The following RAD51B variants were observed in gnomAD, a reference collection of about 807,000 sequenced individuals.
The protein encoded by RAD51B is DNA repair protein RAD51 homolog 2.
RAD51B carries 38 observed loss-of-function variants against 42.2 expected under a neutral mutation model. The ratio of observed to expected loss-of-function variants is 0.90; its 90% confidence interval spans 0.70 to 1.18. RAD51B has a LOEUF of 1.18. RAD51B is among the 50% of genes most tolerant of loss of function. The pLI, the probability that RAD51B is intolerant of heterozygous loss-of-function variation, is 0.00. For missense variants in RAD51B, 373 were observed against 400.7 expected, an observed-to-expected ratio of 0.93 and a Z score of 0.59; for synonymous variants, 154 against 145.2, an observed-to-expected ratio of 1.06 and a Z score of -0.43.
At chr14:68,543,456 A>G (rs1888069293) in intron 10 of RAD51B, among the ~76,000 whole-genome samples, 1 of 152,242 alleles carries the variant, frequency 6.6e-6, no homozygotes, top group South Asian at 2.1e-4. Context: ...AAGAATTATC[A>G]TTATGTTGCT....
At chr14:68,380,261 C>T (rs771489818) in intron 8 of RAD51B, among the ~76,000 whole-genome samples, 3 of 152,248 alleles carry the variant, frequency 2.0e-5, no homozygotes, top group Middle Eastern at 3.4e-3. Context: ...TGACAGAGGC[C>T]GTTGGTCATC....
chr14:68,048,784 G>C (rs1043844227), intron 7 of RAD51B, among the ~76,000 whole-genome samples: 5 of 152,190 alleles, frequency 3.3e-5, no homozygotes, highest in African/African-American at 1.2e-4. Flanking sequence ...TTCAACCATT[G>C]TGGAAGTTGG....
intron 8 of RAD51B, among the ~76,000 whole-genome samples, chr14:68,386,363 T>G (rs1363231847): frequency 3.3e-5 from 5 of 152,226 alleles, no homozygotes; most frequent in African/African-American, 1.2e-4. Flanking sequence ...AAATGTTGAA[T>G]GATCTATGCA....
intron 4 of RAD51B, among the ~76,000 whole-genome samples, chr14:67,854,548 C>T (rs1167250360): frequency 1.3e-5 from 2 of 151,454 alleles, no homozygotes; most frequent in Non-Finnish European, 2.9e-5. Flanking sequence ...GCATGAGAAT[C>T]ATTTGAATCC....
In RAD51B at chr14:68,078,390, GT is replaced by G. The variant is rs1595366697; in HGVS notation, c.756+191189del. Among the ~76,000 whole-genome samples the G allele has an allele frequency of 2.0e-5, 3 of 152,100 alleles. No individual in the cohort carries two copies. The East Asian group carries it at 5.8e-4, about 29-fold the overall frequency. On this transcript the variant is annotated intron_variant, in intron 7 of 10. Transcript: ENST00000471583. The stretch of plus-strand genomic sequence containing the variant: ...CAGTGTTTGAAAGGTATCATTTCTG[GT>G]TTACATTCAGCTCTTGTCCTTTCTA...
intron 7 of RAD51B, among the ~76,000 whole-genome samples, chr14:68,231,182 A>T (rs760613513): frequency 5.3e-5 from 8 of 152,216 alleles, no homozygotes; most frequent in Non-Finnish European, 1.2e-4. Flanking sequence ...ATGTTTTCTC[A>T]ACTGTATTTA....
chr14:67,874,523 G>T (rs114188127), intron 5 of RAD51B, among the ~76,000 whole-genome samples: 1 of 151,960 alleles, frequency 6.6e-6, no homozygotes, highest in Non-Finnish European at 1.5e-5. Flanking sequence ...GGATATCAAA[G>T]TTGGACACCC....
chr14:67,934,002 A>G (rs1038511651), intron 7 of RAD51B, among the ~76,000 whole-genome samples: 2 of 152,228 alleles, frequency 1.3e-5, no homozygotes, highest in African/African-American at 4.8e-5. Context: ...TTCGTAGACT[A>G]TCAACATCAG....
At chr14:67,971,928 G>T (rs766187655) in intron 7 of RAD51B, among the ~76,000 whole-genome samples, 3 of 151,584 alleles carry the variant, frequency 2.0e-5, no homozygotes, top group Non-Finnish European at 4.4e-5. Flanking sequence ...CACTGTGAAT[G>T]AATTTAAGAT....
At chr14:68,586,952 TCGAGATCACGCCATTGCAGTGAGC>T (rs1481465818) in intron 10 of RAD51B, among the ~76,000 whole-genome samples, 9 of 151,426 alleles carry the variant, frequency 5.9e-5, no homozygotes, top group African/African-American at 1.9e-4. Flanking sequence ...TTGCAGTGAG[TCGAGATCACGCCATTGCAGTGAGC>T]CGAGATCGCG....
At chr14:68,635,072 C>G (rs1273307409) in intron 10 of RAD51B, among the ~76,000 whole-genome samples, 1 of 152,218 alleles carries the variant, frequency 6.6e-6, no homozygotes, top group Non-Finnish European at 1.5e-5. Flanking sequence ...TCTTCCAGCA[C>G]TCACCTTCCA....
intron 7 of RAD51B, among the ~76,000 whole-genome samples, chr14:68,101,817 G>A (rs1025673268): frequency 5.3e-5 from 8 of 152,250 alleles, no homozygotes; most frequent in Non-Finnish European, 8.8e-5. Context: ...TGCCCCAGTA[G>A]GGACTCTCTG....
intron 11 of RAD51B, among the ~76,000 whole-genome samples, chr14:68,667,363 A>G (rs1323180339): frequency 6.6e-6 from 1 of 152,242 alleles, no homozygotes; most frequent in Non-Finnish European, 1.5e-5. Context: ...TCAGGCCTTC[A>G]ACTGATTAAT....
chr14:68,378,286 A>G (rs1028188221), intron 8 of RAD51B, among the ~76,000 whole-genome samples: 2 of 152,140 alleles, frequency 1.3e-5, no homozygotes, highest in Admixed American at 6.5e-5. Context: ...TTCAATCACT[A>G]TATGTTAAAT....
chr14:68,419,562 C>G (rs2084646107), intron 9 of RAD51B, among the ~76,000 whole-genome samples: 1 of 152,156 alleles, frequency 6.6e-6, no homozygotes, highest in Non-Finnish European at 1.5e-5. Flanking sequence ...TGAGCATGAA[C>G]TCCCCAGTCA....
intron 10 of RAD51B, among the ~76,000 whole-genome samples, chr14:68,608,401 T>C (rs529752891): frequency 2.2e-4 from 34 of 152,254 alleles, no homozygotes; most frequent in African/African-American, 7.9e-4. Flanking sequence ...GTTCCCTGGC[T>C]TGGGAGCACG....
chr14:68,145,184 A>C (rs370429527), intron 7 of RAD51B, among the ~76,000 whole-genome samples: 2 of 152,336 alleles, frequency 1.3e-5, no homozygotes, highest in African/African-American at 4.8e-5. Flanking sequence ...CACATGCCAC[A>C]GCCAGGCTGA....
intron 10 of RAD51B, among the ~76,000 whole-genome samples, chr14:68,632,130 A>G (rs1053468706): frequency 3.9e-5 from 6 of 152,160 alleles, no homozygotes; most frequent in Non-Finnish European, 7.4e-5. Context: ...TTTCTTCTCC[A>G]GAAGCCAAAC....
downstream of RAD51B, among the ~76,000 whole-genome samples, chr14:68,479,667 C>CTTTTTTTTTTTTTTTTTTT (rs34999023): frequency 1.0e-5 from 1 of 96,440 alleles, no homozygotes; most frequent in Admixed American, 1.1e-4. Context: ...TCTTATTCTT[C>CTTTTTTTTTTTTTTTTTTT]TTTTTTTTTT....
Sources: allele counts gnomAD v4.1 joint callset (sites outside exome capture counted in the v4.1 genomes callset), GRCh38; gene constraint gnomAD v4.1.1; transcripts MANE v1.5; gene names NCBI Gene and HGNC (gene_info 2026-07-23, HGNC 2026-07-21).